The following PDE4D variants were observed in gnomAD, a reference collection of about 807,000 sequenced individuals.
PDE4D encodes the protein phosphodiesterase 4D, also known as 3',5'-cyclic-AMP phosphodiesterase 4D.
PDE4D carries 24 observed loss-of-function variants against 87.4 expected under a neutral mutation model. The ratio of observed to expected loss-of-function variants is 0.27; its 90% CI spans 0.20 to 0.39. The LOEUF (loss-of-function observed/expected upper bound fraction) is 0.39, where lower values mean the gene tolerates loss of function less well. PDE4D is among the 10% of genes least tolerant of loss of function. The pLI, the probability that PDE4D is intolerant of heterozygous loss-of-function variation, is 1.00. For synonymous variants in PDE4D, 384 were observed against 383.2 expected, an observed-to-expected ratio of 1.00 and a Z score of -0.02; for missense variants, 714 against 1,041.0, an observed-to-expected ratio of 0.69 and a Z score of 4.32.
intron 1 of PDE4D, among the ~76,000 whole-genome samples, chr5:59,402,342 A>G (rs917697715): frequency 1.4e-4 from 22 of 152,222 alleles, no homozygotes; most frequent in African/African-American, 4.6e-4. Context: ...CTGAAGTGAG[A>G]TAATTTAACC....
intron 1 of PDE4D, among the ~76,000 whole-genome samples, chr5:59,593,760 G>A (rs1344921399): frequency 6.6e-6 from 1 of 152,174 alleles, no homozygotes; most frequent in Non-Finnish European, 1.5e-5. Context: ...AATCGTTAGA[G>A]GCTGAGTGCA....
chr5:59,198,741 CCTT>C (rs1381515280), intron 2 of PDE4D, among the ~76,000 whole-genome samples: 1 of 152,160 alleles, frequency 6.6e-6, no homozygotes, highest in Non-Finnish European at 1.5e-5. Flanking sequence ...CCCCTCCCAT[CCTT>C]CTTCTACTTC....
At chr5:59,631,146 C>T (rs1048375644) in intron 1 of PDE4D, among the ~76,000 whole-genome samples, 3 of 152,104 alleles carry the variant, frequency 2.0e-5, no homozygotes, top group Non-Finnish European at 4.4e-5. Flanking sequence ...ACTTTATTTG[C>T]ATTATGTCAT....
At chr5:59,977,037 T>G (rs1761410538) in intron 3 of PDE4D, among the ~76,000 whole-genome samples, 1 of 152,128 alleles carries the variant, frequency 6.6e-6, no homozygotes, top group South Asian at 2.1e-4. Flanking sequence ...CACAATAATA[T>G]TGAAATTAGG....
At chr5:59,904,316 A>G (rs1428088158) in intron 3 of PDE4D, among the ~76,000 whole-genome samples, 3 of 152,128 alleles carry the variant, frequency 2.0e-5, no homozygotes, top group Non-Finnish European at 4.4e-5. Flanking sequence ...CATTGAAAGG[A>G]ACTCCAGGAC....
intron 1 of PDE4D, among the ~76,000 whole-genome samples, chr5:59,508,425 T>C (rs1018398965): frequency 1.3e-5 from 2 of 152,192 alleles, no homozygotes; most frequent in Non-Finnish European, 2.9e-5. Context: ...AAAGTAAATC[T>C]ATAGTTAGCA....
intron 5 of PDE4D, among the ~76,000 whole-genome samples, chr5:59,160,751 T>G (rs1780949962): frequency 6.6e-6 from 1 of 152,162 alleles, no homozygotes; most frequent in Non-Finnish European, 1.5e-5. Context: ...ACTAACTCCC[T>G]TAGTGGCAGG....
intron 1 of PDE4D, among the ~76,000 whole-genome samples, chr5:59,423,742 A>G (rs1188441875): frequency 6.6e-6 from 1 of 152,076 alleles, no homozygotes; most frequent in African/African-American, 2.4e-5. Flanking sequence ...CACAGTATAC[A>G]TGGGTGACAA....
In PDE4D at chr5:59,948,539, A is replaced by C. The variant is rs1179746010; in HGVS notation, c.272+39949T>G. ...TCTTATATACAGAACTACTGAAGACAGAATGAGAAAAATGGGATGAATAAA... is the reference window on the plus strand; with the variant it reads ...TCTTATATACAGAACTACTGAAGACCGAATGAGAAAAATGGGATGAATAAA... On this transcript the variant is annotated intron_variant, in intron 3 of 16. Coordinates refer to the PDE4D transcript ENST00000502484. 3.3e-5 allele frequency among the ~76,000 whole-genome samples: 5 copies of C among 152,244 alleles called. No individual in the cohort carries two copies. In the East Asian group the frequency reaches 9.6e-4, roughly 29 times the overall value.
rs144140829 is a variant in PDE4D at position 60,143,829 on chromosome 5, T to A, written c.42+41728A>T. Among the ~76,000 whole-genome samples, 57 of 152,162 alleles carry A rather than the reference T, an allele frequency of 3.7e-4. No individual in the cohort carries two copies. In the East Asian group the frequency reaches 0.01, roughly 28 times the overall value. On this transcript the variant is annotated intron_variant, in intron 2 of 16. Coordinates refer to the PDE4D transcript ENST00000502484. ...ATTTATATAAATTAGACACATAAGA[T>A]CCCAAACTAGTCTTGCCCTAATATT... is the stretch of plus-strand genomic sequence containing the variant.
chr5:59,586,396 T>G, intron 1 of PDE4D: 1 of 1,609,672 alleles, frequency 6.2e-7, no homozygotes, highest in Non-Finnish European at 8.5e-7. Flanking sequence ...CTTCTGTCAT[T>G]AATATTTTTC....
chr5:59,716,348 T>G (rs1249531820), intron 1 of PDE4D, among the ~76,000 whole-genome samples: 1 of 152,226 alleles, frequency 6.6e-6, no homozygotes, highest in African/African-American at 2.4e-5. Context: ...ATGTTGAAAC[T>G]GTCTACAGTT....
chr5:60,246,133 A>G (rs1319547555), intron 1 of PDE4D, among the ~76,000 whole-genome samples: 2 of 151,738 alleles, frequency 1.3e-5, no homozygotes. Context: ...TCATTTTCTT[A>G]TATAGGCATT....
At chr5:59,391,969 AT>A (rs1255661343) in intron 1 of PDE4D, among the ~76,000 whole-genome samples, 2 of 148,400 alleles carry the variant, frequency 1.3e-5, no homozygotes, top group African/African-American at 4.9e-5. Context: ...TTACATATAT[AT>A]ATAATATATA....
intron 1 of PDE4D, among the ~76,000 whole-genome samples, chr5:60,474,117 T>TGCC (rs1554041496): frequency 1.4e-5 from 1 of 72,932 alleles, no homozygotes. Context: ...TATATATATA[T>TGCC]ATATATATAT....
intron 5 of PDE4D, among the ~76,000 whole-genome samples, chr5:59,052,510 A>G (rs567194086): frequency 1.4e-4 from 22 of 152,242 alleles, no homozygotes; most frequent in Admixed American, 1.2e-3. Context: ...TGGAGAAGAG[A>G]GAAGGATGGA....
chr5:60,220,983 C>T (rs972553093), intron 1 of PDE4D, among the ~76,000 whole-genome samples: 1 of 151,996 alleles, frequency 6.6e-6, no homozygotes, highest in African/African-American at 2.4e-5. Context: ...CTAAAGATCA[C>T]CCTTTATGAA....
chr5:59,124,068 A>T (rs1325120845), intron 5 of PDE4D, among the ~76,000 whole-genome samples: 1 of 152,204 alleles, frequency 6.6e-6, no homozygotes, highest in Non-Finnish European at 1.5e-5. Flanking sequence ...TGGAAAATGT[A>T]ATCAGGGGGG....
At chr5:60,208,889 A>G (rs1334067996) in intron 1 of PDE4D, among the ~76,000 whole-genome samples, 1 of 152,202 alleles carries the variant, frequency 6.6e-6, no homozygotes, top group Non-Finnish European at 1.5e-5. Flanking sequence ...CAGCAAGTGC[A>G]GGAGGTGCCG....
Sources: allele counts gnomAD v4.1 joint callset (sites outside exome capture counted in the v4.1 genomes callset), GRCh38; gene constraint gnomAD v4.1.1; transcripts MANE v1.5; gene names NCBI Gene and HGNC (gene_info 2026-07-23, HGNC 2026-07-21).